The following INTS4 variants were observed in gnomAD, a reference collection of about 807,000 sequenced individuals.
INTS4 encodes the protein integrator complex subunit 4.
INTS4 carries 70 observed loss-of-function variants against 119.5 expected under a neutral mutation model. The ratio of observed to expected loss-of-function variants is 0.59; its 90% CI spans 0.48 to 0.71. The LOEUF (loss-of-function observed/expected upper bound fraction) is 0.71. Among genes scored for constraint, INTS4 ranks in the 30% least tolerant of loss-of-function variants. The pLI, the probability that INTS4 is intolerant of heterozygous loss-of-function variation, is 0.00. For missense variants in INTS4, 867 were observed against 1,173.2 expected, an observed-to-expected ratio of 0.74 and a Z score of 3.81; for synonymous variants, 316 against 419.6, an observed-to-expected ratio of 0.75 and a Z score of 3.02.
chr11:77,891,952 G>C, intron 19 of INTS4, 112 bp from the exon 20 acceptor site: 1 of 1,548,632 alleles, frequency 6.5e-7, no homozygotes. Flanking sequence ...GAAGTGAGAG[G>C]AGCTTGCAGT....
At chr11:77,970,771 C>G (rs1169638633) in intron 4 of INTS4, among the ~76,000 whole-genome samples, 1 of 151,960 alleles carries the variant, frequency 6.6e-6, no homozygotes, top group Non-Finnish European at 1.5e-5. Context: ...AGTTTTATTA[C>G]AGCCATCCTA....
At chr11:77,881,541 C>T (rs137866533) in intron 22 of INTS4, among the ~76,000 whole-genome samples, 1 of 152,294 alleles carries the variant, frequency 6.6e-6, no homozygotes, top group African/African-American at 2.4e-5. Context: ...GGTATGTGGG[C>T]CTCCATTTAT....
intron 15 of INTS4, among the ~76,000 whole-genome samples, chr11:77,912,026 T>C (rs1051865954): frequency 4.6e-5 from 7 of 152,146 alleles, no homozygotes; most frequent in Admixed American, 2.6e-4. Context: ...TTTTCATTTA[T>C]TTATTAATTA....
chr11:77,901,848 C>A (rs1952787730), intron 17 of INTS4, among the ~76,000 whole-genome samples: 2 of 151,688 alleles, frequency 1.3e-5, no homozygotes, highest in South Asian at 4.2e-4. Context: ...GCTTCTTACC[C>A]TAAATGAAGC....
chr11:77,970,028 C>A (rs766910472), intron 4 of INTS4, among the ~76,000 whole-genome samples: 38 of 152,124 alleles, frequency 2.5e-4, no homozygotes, highest in Non-Finnish European at 4.3e-4. Context: ...TTCTAACGTG[C>A]ATTATTTATC....
Position 77,941,185 on chromosome 11 carries a change from G to T in INTS4, c.985C>A (p.Leu329Met). The T allele has an allele frequency of 6.2e-7, 1 of 1,613,130 alleles. No homozygotes were observed. Among genetic ancestry groups the T allele is most frequent in the Non-Finnish European group, 8.5e-7 (1 of 1,179,700 alleles). Residue 329 changes from leucine to methionine, a missense_variant, in exon 9 of 23, where the codon CTG becomes ATG. By Grantham distance (15) the Leu-to-Met change is conservative. Coordinates refer to ENST00000534064, the MANE Select transcript of INTS4 (RefSeq NM_033547.4). ...CAACAAAGAATAAAAGGTACCCTCA[G>T]ATCTGACATCAGCTTCTTGTCAAGG... ...QTLDKKLMSD[L>M]RRKRTAHERA...
intron 21 of INTS4, among the ~76,000 whole-genome samples, chr11:77,884,510 T>C (rs1951917746): frequency 6.6e-6 from 1 of 152,206 alleles, no homozygotes; most frequent in Non-Finnish European, 1.5e-5. Flanking sequence ...CCCAGCTCCC[T>C]GTGTAGACAG....
intron 3 of INTS4, among the ~76,000 whole-genome samples, chr11:77,981,190 C>CAAAAAAAAAAAAAAAAAAAAGG (rs35194381): frequency 2.3e-5 from 2 of 88,864 alleles, no homozygotes; most frequent in South Asian, 4.4e-4. Context: ...AACAAACAAG[C>CAAAAAAAAAAAAAAAAAAAAGG]AAAAAAAAAA....
At chr11:77,945,561 T>A (rs537919846) in intron 8 of INTS4, among the ~76,000 whole-genome samples, 1 of 152,234 alleles carries the variant, frequency 6.6e-6, no homozygotes, top group African/African-American at 2.4e-5. Flanking sequence ...AGACCCCACA[T>A]AGCGCTACCA....
chr11:77,927,545 A>T (rs912977559), intron 11 of INTS4, among the ~76,000 whole-genome samples: 5 of 152,202 alleles, frequency 3.3e-5, no homozygotes, highest in African/African-American at 4.8e-5. Flanking sequence ...TGCAATTAAA[A>T]TCCAGACATT....
rs549275697 is a variant in INTS4, at chr11:77,954,292, A to T, written c.918+1650T>A. On this transcript the variant is annotated intron_variant, in intron 8 of 22. Coordinates refer to ENST00000534064, the MANE Select transcript of INTS4 (RefSeq NM_033547.4). Reference sequence around the variant, plus strand: ...AATGATAACAGCATTTTAAAAAAAAAATTTTTTTTTAATTTTTTAAAATTT... The same window carrying T: ...AATGATAACAGCATTTTAAAAAAAATATTTTTTTTTAATTTTTTAAAATTT... 5.8e-3 allele frequency among the ~76,000 whole-genome samples: 878 copies of T among 152,038 alleles called. 6 individuals are homozygous for T. The highest frequency in any genetic ancestry group is 0.019 in the African/African-American group (774 of 41,518).
At chr11:77,967,160 T>C (rs1398919185) in intron 4 of INTS4, among the ~76,000 whole-genome samples, 1 of 152,164 alleles carries the variant, frequency 6.6e-6, no homozygotes, top group African/African-American at 2.4e-5. Context: ...AAAATGAGTT[T>C]CCTTAAGGAA....
intron 10 of INTS4, among the ~76,000 whole-genome samples, chr11:77,936,651 T>C (rs1446870605): frequency 1.3e-5 from 2 of 152,104 alleles, no homozygotes; most frequent in East Asian, 3.8e-4. Flanking sequence ...ATGTCTGAGA[T>C]GAAATATATA....
At chr11:77,894,076 G>A (rs1174787474) in intron 19 of INTS4, among the ~76,000 whole-genome samples, 1 of 152,010 alleles carries the variant, frequency 6.6e-6, no homozygotes, top group East Asian at 1.9e-4. Context: ...TAGTTTTGAA[G>A]CTCCAACTTC....
At chr11:77,910,534 T>C (rs1953067142) in intron 15 of INTS4, among the ~76,000 whole-genome samples, 1 of 151,874 alleles carries the variant, frequency 6.6e-6, no homozygotes, top group Non-Finnish European at 1.5e-5. Context: ...ATGGCACATG[T>C]ATACATATGT....
At position 77,907,746 on chromosome 11, in the gene INTS4, AG is replaced by A; in HGVS notation, c.1986del (p.Tyr663IlefsTer19). The stretch of plus-strand genomic sequence containing the variant: ...ATGAGAAGTAGTTGACAGCGAAGAT[AG>A]GTGGCAGAGAAATCAGCTACTCCTG... The part of the protein sequence containing the change: ...ELAGVADFSA[T>X]YLRCQLLLIK... On this transcript the variant is annotated frameshift_variant, in exon 16 of 23. Transcript: ENST00000534064. LOFTEE classifies it high-confidence loss of function. The A allele has an allele frequency of 6.2e-7, 1 of 1,613,814 alleles. No homozygotes were observed. The highest frequency in any genetic ancestry group is 8.5e-7 in the Non-Finnish European group (1 of 1,179,756).
chr11:77,944,802 T>G (rs1022514118), intron 8 of INTS4, among the ~76,000 whole-genome samples: 2 of 152,172 alleles, frequency 1.3e-5, no homozygotes, highest in African/African-American at 4.8e-5. Flanking sequence ...AGATTTGGGA[T>G]GCCCAACAAG....
intron 10 of INTS4, among the ~76,000 whole-genome samples, chr11:77,929,973 C>T (rs1462900322): frequency 6.6e-6 from 1 of 152,148 alleles, no homozygotes; most frequent in Non-Finnish European, 1.5e-5. Flanking sequence ...CACCCCTTGG[C>T]ATGCTCAGAA....
chr11:77,878,137 C>T (rs756488854), downstream of INTS4, among the ~76,000 whole-genome samples: 4 of 152,046 alleles, frequency 2.6e-5, no homozygotes, highest in South Asian at 4.1e-4. Flanking sequence ...CCAAGGTGGG[C>T]AGATCACGAG....
Sources: allele counts gnomAD v4.1 joint callset (sites outside exome capture counted in the v4.1 genomes callset), GRCh38; gene constraint gnomAD v4.1.1; transcripts MANE v1.5; gene names NCBI Gene and HGNC (gene_info 2026-07-23, HGNC 2026-07-21).